The following CCAR1 variants were observed in gnomAD, a reference collection of about 807,000 sequenced individuals.
CCAR1 encodes cell division cycle and apoptosis regulator 1.
In CCAR1, 78 loss-of-function variants were observed where a neutral mutation model predicts 163.8. The ratio of observed to expected loss-of-function variants is 0.48; its 90% CI spans 0.40 to 0.57. The LOEUF (loss-of-function observed/expected upper bound fraction) is 0.57. Among genes scored for constraint, CCAR1 ranks in the 20% least tolerant of loss-of-function variants. CCAR1 has a pLI of 0.00. For missense variants in CCAR1, 1,019 were observed against 1,365.2 expected (o/e 0.75, Z 4.00); for synonymous variants, 443 against 460.7 (o/e 0.96, Z 0.49).
chr10:68,726,483 A>G (rs980918642), intron 2 of CCAR1, among the ~76,000 whole-genome samples: 6 of 152,056 alleles, frequency 3.9e-5, no homozygotes, highest in Non-Finnish European at 5.9e-5. Context: ...ATCCTAATCC[A>G]CAGTGCTTAC....
intron 19 of CCAR1, among the ~76,000 whole-genome samples, chr10:68,774,220 G>T (rs903788345): frequency 3.3e-5 from 5 of 152,022 alleles, no homozygotes; most frequent in African/African-American, 7.2e-5. Context: ...TAGGCACGGG[G>T]TCTCATTCTG....
chr10:68,735,156 T>G (rs2056092138), intron 2 of CCAR1, among the ~76,000 whole-genome samples: 1 of 152,148 alleles, frequency 6.6e-6, no homozygotes, highest in South Asian at 2.1e-4. Context: ...GAGACCAGCC[T>G]GGGAAACATA....
In CCAR1 at chr10:68,773,078, G is replaced by T. The variant is rs1372578235; in HGVS notation, c.2629G>T (p.Glu877Ter). 1 of 1,540,616 alleles carries T rather than the reference G, an allele frequency of 6.5e-7. No homozygotes were observed. The highest frequency in any genetic ancestry group is 1.4e-5 in the African/African-American group (1 of 72,228). Reference sequence around the variant, plus strand: ...TGAATATGACCCTATGGAAGCAGAAGAAGCTGAGGATGAAGAAGATGGTAT... The same window carrying T: ...TGAATATGACCCTATGGAAGCAGAATAAGCTGAGGATGAAGAAGATGGTAT... ...QDEYDPMEAE[E>*]AEDEEDDRDE... The change falls in exon 19 of 25, where the codon GAA becomes TAA. Residue 877 changes from glutamate (E) to a stop codon, truncating the protein, a stop_gained. Transcript: ENST00000265872. LOFTEE classifies it high-confidence loss of function.
intron 19 of CCAR1, among the ~76,000 whole-genome samples, chr10:68,781,853 A>G (rs1457014663): frequency 6.6e-6 from 1 of 152,160 alleles, no homozygotes; most frequent in Non-Finnish European, 1.5e-5. Flanking sequence ...TCTGTCTCAA[A>G]AATAATAATC....
At chr10:68,764,884 G>A (rs2056517964) in intron 16 of CCAR1, among the ~76,000 whole-genome samples, 1 of 152,142 alleles carries the variant, frequency 6.6e-6, no homozygotes, top group African/African-American at 2.4e-5. Context: ...ATCATCTACA[G>A]GGATGTAATT....
rs1343969508 is a variant in CCAR1, at chr10:68,732,045, T to C, written c.74-4831T>C. 3.3e-5 allele frequency among the ~76,000 whole-genome samples: 5 copies of C among 152,296 alleles called. No individual in the cohort carries two copies. The East Asian group carries it at 9.6e-4, about 29-fold the overall frequency. On this transcript the variant is annotated intron_variant, in intron 2 of 24. Coordinates refer to ENST00000265872, the MANE Select transcript of CCAR1 (RefSeq NM_018237.4). ...AAATTATAAGAAAAAATGGACATTC[T>C]GCGATTTTGGCTCTCAGCACTTCTG...
chr10:68,753,897 G>A lies in CCAR1; in HGVS notation c.1164G>A (p.Leu388=). The change falls in exon 11 of 25, where the codon TTG becomes TTA. Residue 388 remains leucine, a synonymous_variant. Coordinates refer to ENST00000265872, the MANE Select transcript of CCAR1 (RefSeq NM_018237.4). ...MMELRRRYQN[L]YIPSDFFDAQ... ...AACTAAGGCGCCGTTATCAAAATTT[G>A]TATATACCTAGTGACTTTTTTGATG... The A allele has an allele frequency of 3.1e-6, 5 of 1,614,012 alleles. No individual in the cohort carries two copies. The South Asian group carries it at 3.3e-5, about 11-fold the overall frequency.
At position 68,721,364 on chromosome 10, in the gene CCAR1, G is replaced by A. The variant is rs72799567; in HGVS notation, c.-51+82G>A. On this transcript the variant is annotated intron_variant, in intron 1 of 24. Transcript: ENST00000265872. ...ATCTTGTCGAATCTGTGGAAGGGCC[G>A]GGAGCGATCTTTTGGGTAGCCCGGC... 2.8e-3 allele frequency: 810 copies of A among 289,202 alleles called. 1 individual carries two copies. Among genetic ancestry groups the A allele is most frequent in the Non-Finnish European group, 4.7e-3 (695 of 146,656 alleles). The allele number at this position is 289,202 out of a possible 1,614,324, so 17.9% of individuals were successfully genotyped here.
intron 1 of CCAR1, 128 bp from the exon 2 acceptor site, chr10:68,722,325 AAC>A (rs1409691398): frequency 3.3e-6 from 2 of 599,272 alleles, no homozygotes; most frequent in Non-Finnish European, 6.0e-6. Context: ...TTTTCTACTT[AAC>A]AGTTGTTATT....
At chr10:68,781,233 C>CA (rs1208650812) in intron 19 of CCAR1, among the ~76,000 whole-genome samples, 51 of 144,290 alleles carry the variant, frequency 3.5e-4, no homozygotes, top group East Asian at 1.7e-3. Flanking sequence ...ACTCTGTCTC[C>CA]AAAAAAAAAG....
intron 2 of CCAR1, among the ~76,000 whole-genome samples, chr10:68,734,375 A>G (rs2056080641): frequency 1.3e-5 from 2 of 152,034 alleles, no homozygotes; most frequent in Admixed American, 1.3e-4. Context: ...GATACCATTG[A>G]GAAAATTGGG....
At chr10:68,721,777 G>C (rs1181880559) in intron 1 of CCAR1, 1 of 297,226 alleles carries the variant, frequency 3.4e-6, no homozygotes, top group South Asian at 2.4e-5. Flanking sequence ...GAAGATGGAC[G>C]GCCGAGCTCT....
chr10:68,751,473 T>A (rs2056329834), intron 10 of CCAR1, among the ~76,000 whole-genome samples: 1 of 152,214 alleles, frequency 6.6e-6, no homozygotes, highest in South Asian at 2.1e-4. Flanking sequence ...AGAGGAGCTC[T>A]GATTTTAACC....
At position 68,723,288 on chromosome 10, in the gene CCAR1, A is replaced by AT. The variant is rs71474434; in HGVS notation, c.73+725dup. On this transcript the variant is annotated intron_variant, in intron 2 of 24. Transcript: ENST00000265872. ...AGGCACCCGCCACCACGCCCGGCTA[A>AT]TTTTTTTTTTTTTTGTATTTTTAGT... Among the ~76,000 whole-genome samples, 496 of 138,472 alleles carry AT rather than the reference A, an allele frequency of 3.6e-3. 1 individual carries two copies. The highest frequency in any genetic ancestry group is 6.3e-3 in the Admixed American group (87 of 13,824). 90.8% of individuals were successfully genotyped at this position (138,472 alleles called of 152,430 possible).
intron 16 of CCAR1, among the ~76,000 whole-genome samples, chr10:68,764,539 CAAAAAA>C (rs959153999): frequency 7.1e-6 from 1 of 141,694 alleles, no homozygotes; most frequent in Non-Finnish European, 1.6e-5. Context: ...TGTCTCAAAA[CAAAAAA>C]AAAAAAGTTG....
intron 6 of CCAR1, among the ~76,000 whole-genome samples, chr10:68,745,559 G>T (rs368179980): frequency 2.6e-5 from 4 of 151,262 alleles, no homozygotes; most frequent in Admixed American, 6.6e-5. Context: ...TGCCTCCCGG[G>T]TTCAAACAAT....
At chr10:68,746,890 TTTA>T (rs547616083) in intron 6 of CCAR1, among the ~76,000 whole-genome samples, 8 of 151,526 alleles carry the variant, frequency 5.3e-5, no homozygotes, top group African/African-American at 1.2e-4. Context: ...ATCTACTTTT[TTTA>T]TTATTATTAT....
intron 2 of CCAR1, among the ~76,000 whole-genome samples, chr10:68,736,564 G>A (rs1048579984): frequency 8.6e-5 from 13 of 152,044 alleles, no homozygotes; most frequent in African/African-American, 3.1e-4. Context: ...CTCCAAATTT[G>A]AGATCATGCA....
chr10:68,791,250 A>G lies in CCAR1; in HGVS notation c.3437A>G (p.Asn1146Ser). The G allele has an allele frequency of 6.3e-7, 1 of 1,599,874 alleles. No homozygotes were observed. Among genetic ancestry groups the G allele is most frequent in the Non-Finnish European group, 8.6e-7 (1 of 1,168,922 alleles). Residue 1146 changes from asparagine (N) to serine (S), a missense_variant, in exon 25 of 25, where the codon AAT becomes AGT. Asn to Ser is a conservative substitution (Grantham distance 46, BLOSUM62 1). Transcript: ENST00000265872. The stretch of plus-strand genomic sequence containing the variant: ...GACAAAGATCAAAAATCCAAGGAGA[A>G]TGGTGCCAGTGTATGATAAAATCCA... The part of the protein sequence containing the change: ...NEDKDQKSKE[N>S]GASV
Sources: gnomAD v4.1 joint callset for allele counts (sites outside exome capture counted in the v4.1 genomes callset) on GRCh38, gnomAD v4.1.1 for gene constraint, MANE v1.5 for transcripts, NCBI Gene and HGNC (gene_info 2026-07-23, HGNC 2026-07-21) for gene names.